Variants in NSUN6 observed in about 807,000 individuals in gnomAD.
NSUN6 encodes the protein NOP2/Sun RNA methyltransferase 6, also known as tRNA (cytosine(72)-C(5))-methyltransferase NSUN6.
A neutral mutation model predicts 58.0 loss-of-function variants in NSUN6; 64 were observed. The observed-to-expected ratio is 1.10, with a 90% CI of 0.90 to 1.36. The LOEUF is 1.36. Ranked by LOEUF, NSUN6 falls within the 40% of genes most tolerant of loss-of-function variation. NSUN6 has a pLI of 0.00. For missense variants in NSUN6, 701 were observed against 550.1 expected (o/e 1.27, Z -2.74); for synonymous variants, 231 against 193.9 (o/e 1.19, Z -1.59).
chr10:18,635,118 A>G (rs1407177544), intron 3 of NSUN6, among the ~76,000 whole-genome samples: 1 of 152,220 alleles, frequency 6.6e-6, no homozygotes, highest in African/African-American at 2.4e-5. Flanking sequence ...TGACCAGCCC[A>G]ATAAAACCCT....
chr10:18,600,941 A>AATAT (rs1170475510), intron 6 of NSUN6, among the ~76,000 whole-genome samples: 735 of 43,498 alleles, frequency 0.017, 36 homozygotes, highest in African/African-American at 0.052. Context: ...AAAAAAAAAA[A>AATAT]ATATATATAT....
chr10:18,621,122 T>C (rs754714146), intron 3 of NSUN6, among the ~76,000 whole-genome samples: 1 of 152,234 alleles, frequency 6.6e-6, no homozygotes, highest in Non-Finnish European at 1.5e-5. Flanking sequence ...CTATGATTTA[T>C]AGTAAATACC....
intron 7 of NSUN6, among the ~76,000 whole-genome samples, chr10:18,595,195 G>A (rs551928349): frequency 6.6e-6 from 1 of 152,234 alleles, no homozygotes; most frequent in East Asian, 1.9e-4. Flanking sequence ...GCCCAGCAGG[G>A]ATCAGCTGAA....
intron 6 of NSUN6, among the ~76,000 whole-genome samples, chr10:18,607,830 T>C (rs1470585929): frequency 6.6e-6 from 1 of 152,244 alleles, no homozygotes; most frequent in Admixed American, 6.5e-5. Flanking sequence ...ACTACTCCTT[T>C]AATCACTGAA....
At chr10:18,638,651 C>T (rs1439631483) in intron 3 of NSUN6, among the ~76,000 whole-genome samples, 3 of 152,066 alleles carry the variant, frequency 2.0e-5, no homozygotes, top group Non-Finnish European at 2.9e-5. Context: ...AAAACAATGT[C>T]TACAAAGTGC....
intron 8 of NSUN6, among the ~76,000 whole-genome samples, chr10:18,560,705 TGCAATGA>T: frequency 7.0e-6 from 1 of 143,030 alleles, no homozygotes; most frequent in Non-Finnish European, 1.5e-5. Context: ...TGGAATGGAA[TGCAATGA>T]GGAATGGAAT....
At chr10:18,620,952 G>C (rs1413802526) in intron 3 of NSUN6, among the ~76,000 whole-genome samples, 1 of 152,212 alleles carries the variant, frequency 6.6e-6, no homozygotes, top group Admixed American at 6.5e-5. Flanking sequence ...CTGGAACAGA[G>C]AACTGTGCAG....
chr10:18,600,016 C>T (rs1285581674), intron 6 of NSUN6, among the ~76,000 whole-genome samples: 2 of 152,098 alleles, frequency 1.3e-5, no homozygotes, highest in African/African-American at 4.8e-5. Context: ...TACAACACTT[C>T]TATTAACTTT....
chr10:18,549,907 G>C (rs567409578), intron 9 of NSUN6, among the ~76,000 whole-genome samples: 10 of 152,288 alleles, frequency 6.6e-5, no homozygotes, highest in South Asian at 2.1e-4. Context: ...CAACCACAAA[G>C]TAAGATGACT....
intron 8 of NSUN6, among the ~76,000 whole-genome samples, chr10:18,560,133 T>C (rs1235800808): frequency 7.3e-6 from 1 of 137,412 alleles, no homozygotes; most frequent in South Asian, 2.3e-4. Flanking sequence ...GAATCGAGAA[T>C]GCAGAATGGA....
chr10:18,615,669 A>C (rs74664444), intron 4 of NSUN6, among the ~76,000 whole-genome samples: 1,554 of 152,332 alleles, frequency 0.01, 11 homozygotes, highest in Non-Finnish European at 0.014. Flanking sequence ...CCAGAGACGG[A>C]ATACGTTTTC....
chr10:18,636,323 C>T (rs545302513), intron 3 of NSUN6, among the ~76,000 whole-genome samples: 7 of 148,782 alleles, frequency 4.7e-5, no homozygotes, highest in African/African-American at 1.7e-4. Flanking sequence ...GTGAATTATA[C>T]TTGGGAAATA....
chr10:18,555,444 C>T (rs571642644), intron 8 of NSUN6, among the ~76,000 whole-genome samples: 4 of 138,378 alleles, frequency 2.9e-5, no homozygotes, highest in Non-Finnish European at 4.6e-5. Flanking sequence ...GAGAATGGAA[C>T]AGAGTGGAAT....
intron 8 of NSUN6, among the ~76,000 whole-genome samples, chr10:18,572,598 C>T (rs1479465807): frequency 6.6e-6 from 1 of 150,640 alleles, no homozygotes; most frequent in Non-Finnish European, 1.5e-5. Context: ...AACTCCATTC[C>T]ATTCTCCATT....
rs12773413 is a variant in NSUN6 at position 18,556,514 on chromosome 10, G to A, written c.923-4543C>T. 1.3e-4 allele frequency among the ~76,000 whole-genome samples: 19 copies of A among 150,942 alleles called. No homozygotes were observed. In the South Asian group the frequency reaches 1.7e-3, roughly 13 times the overall value. ...AATGGAATAGAGAATGGAATGGAAC[G>A]GAGAATGGAATGGAATGCAGTGGTG... is the stretch of plus-strand genomic sequence containing the variant. On this transcript the variant is annotated intron_variant, in intron 8 of 10. Transcript: ENST00000377304.
intron 3 of NSUN6, among the ~76,000 whole-genome samples, chr10:18,641,005 C>G (rs948221170): frequency 6.6e-6 from 1 of 151,902 alleles, no homozygotes; most frequent in Non-Finnish European, 1.5e-5. Context: ...AATAAATATA[C>G]ATAAATCCAC....
At chr10:18,645,210 T>C (rs1306523027) in intron 2 of NSUN6, among the ~76,000 whole-genome samples, 2 of 150,932 alleles carry the variant, frequency 1.3e-5, no homozygotes, top group Non-Finnish European at 3.0e-5. Context: ...TTTCTCTGTA[T>C]ATAAATTCAG....
intron 8 of NSUN6, among the ~76,000 whole-genome samples, chr10:18,582,840 AG>A (rs1237663791): frequency 3.9e-5 from 6 of 152,236 alleles, no homozygotes; most frequent in African/African-American, 1.4e-4. Flanking sequence ...CACATGCTGA[AG>A]GAATACAGTT....
At position 18,616,182 on chromosome 10, in the gene NSUN6, A is replaced by G; in HGVS notation, c.421+2T>C. 1 of 1,448,780 alleles carries G rather than the reference A, an allele frequency of 6.9e-7. No homozygotes were observed. The highest frequency in any genetic ancestry group is 9.7e-7 in the Non-Finnish European group (1 of 1,031,046). 89.7% of individuals were successfully genotyped at this position (1,448,780 alleles called of 1,614,324 possible). A position where few individuals can be genotyped will look rare whatever the true frequency, so the allele number is the denominator to read the frequency against. On this transcript the variant is annotated splice_donor_variant, in intron 4 of 10. Coordinates refer to ENST00000377304, the MANE Select transcript of NSUN6 (RefSeq NM_182543.5). LOFTEE classifies it high-confidence loss of function. ...AAAGACAAATCTAAACATTATACTT[A>G]CATTGTGATGCTGACACAATTCCTG...
Sources: allele counts gnomAD v4.1 joint callset (sites outside exome capture counted in the v4.1 genomes callset), GRCh38; gene constraint gnomAD v4.1.1; transcripts MANE v1.5; gene names NCBI Gene and HGNC (gene_info 2026-07-23, HGNC 2026-07-21).